Variants in RAD23B observed in about 807,000 individuals in gnomAD.
The protein encoded by RAD23B is RAD23 nucleotide excision repair protein B.
In RAD23B, 5 loss-of-function variants were observed where a neutral mutation model predicts 49.1. That is an observed-to-expected ratio of 0.10 (90% CI 0.05 to 0.21). RAD23B has a LOEUF of 0.21. Among genes scored for constraint, RAD23B ranks in the 10% least tolerant of loss-of-function variants. The probability of loss-of-function intolerance (pLI) is 1.00; values close to 1 mark genes in which losing one functional copy is unlikely to be tolerated. For missense variants in RAD23B, 356 were observed against 486.7 expected (o/e 0.73, Z 2.53); for synonymous variants, 184 against 165.4 (o/e 1.11, Z -0.86).
At chr9:107,328,073 G>C (rs1040360031) in intron 9 of RAD23B, among the ~76,000 whole-genome samples, 4 of 151,930 alleles carry the variant, frequency 2.6e-5, no homozygotes, top group Non-Finnish European at 5.9e-5. Flanking sequence ...TTGTGTCTTT[G>C]AATCTAAATT....
chr9:107,321,355 A>G lies in RAD23B; in HGVS notation c.682-628A>G, dbSNP rs1296278472. Among the ~76,000 whole-genome samples, 3 of 152,312 alleles carry G rather than the reference A, an allele frequency of 2.0e-5. No homozygotes were observed. In the East Asian group the frequency reaches 5.8e-4, roughly 29 times the overall value. Reference sequence around the variant, plus strand: ...GAAAAGTACCTCAAATTTATGAGATACTTTCTGAGTGACACTTTCTCAGTA... The same window carrying G: ...GAAAAGTACCTCAAATTTATGAGATGCTTTCTGAGTGACACTTTCTCAGTA... On this transcript the variant is annotated intron_variant, in intron 6 of 9. Transcript: ENST00000358015.
chr9:107,308,633 T>C (rs1267081912), intron 4 of RAD23B, among the ~76,000 whole-genome samples: 3 of 152,242 alleles, frequency 2.0e-5, no homozygotes, highest in African/African-American at 7.2e-5. Flanking sequence ...CATAAGTAAC[T>C]TGATGGTCAG....
At chr9:107,314,576 A>G (rs1259931475) in intron 5 of RAD23B, among the ~76,000 whole-genome samples, 1 of 152,074 alleles carries the variant, frequency 6.6e-6, no homozygotes, top group East Asian at 1.9e-4. Context: ...TCTTTATCTC[A>G]TCCTCCATTG....
chr9:107,323,722 G>T (rs1259136445), intron 7 of RAD23B, among the ~76,000 whole-genome samples, 168 bp from the exon 8 acceptor site: 1 of 152,106 alleles, frequency 6.6e-6, no homozygotes, highest in African/African-American at 2.4e-5. Flanking sequence ...TATAAAACTT[G>T]CAAGTTGGTA....
In RAD23B at chr9:107,331,719, G is replaced by C. The variant is rs1435842113; in HGVS notation, c.*2063G>C. On this transcript the variant is annotated 3_prime_UTR_variant, in exon 10 of 10. Transcript: ENST00000358015. ...AAAAAAAACAGCCTCTTCTTGGAAA[G>C]TGACAGCAGAAGGTGGCATGGAGCT... 2.6e-6 allele frequency: 2 copies of C among 775,888 alleles called. No individual in the cohort carries two copies. Among genetic ancestry groups the C allele is most frequent in the African/African-American group, 1.7e-5 (1 of 58,782 alleles). 48.1% of individuals were successfully genotyped at this position (775,888 alleles called of 1,614,324 possible).
intron 1 of RAD23B, among the ~76,000 whole-genome samples, chr9:107,292,135 CT>C (rs939834955): frequency 2.0e-5 from 3 of 151,894 alleles, no homozygotes; most frequent in Non-Finnish European, 4.4e-5. Flanking sequence ...TAGCAACTAG[CT>C]TTTTTTCCTC....
Position 107,283,487 on chromosome 9 carries a change from G to A in RAD23B, c.-143G>A, listed in dbSNP as rs1833198505. 7.4e-6 allele frequency: 4 copies of A among 540,576 alleles called. No homozygotes were observed. Among genetic ancestry groups the A allele is most frequent in the South Asian group, 9.5e-5 (2 of 21,046 alleles). The allele number at this position is 540,576 out of a possible 1,614,324, so 33.5% of individuals were successfully genotyped here. A position where few individuals can be genotyped will look rare whatever the true frequency, so the allele number is the denominator to read the frequency against. On this transcript the variant is annotated 5_prime_UTR_variant, in exon 1 of 10. Transcript: ENST00000358015. ...TGGGGGAGAGGCCGCTCCGCTGGGCGAATGTGACAAGCCCCCACCCCCACC... is the reference window on the plus strand; with the variant it reads ...TGGGGGAGAGGCCGCTCCGCTGGGCAAATGTGACAAGCCCCCACCCCCACC...
rs144574881 is a variant in RAD23B, at chr9:107,299,342, A to G, written c.67-799A>G. ...AGTAGTTCTATAAAGGCAAATGGGA[A>G]AGCCATCTCTGCCTTTTTTACTCCT... On this transcript the variant is annotated intron_variant, in intron 1 of 9. Coordinates refer to ENST00000358015, the MANE Select transcript of RAD23B (RefSeq NM_002874.5). Among the ~76,000 whole-genome samples, 231 of 152,334 alleles carry G rather than the reference A, an allele frequency of 1.5e-3. 1 individual carries two copies. Among genetic ancestry groups the G allele is most frequent in the African/African-American group, 5.2e-3 (215 of 41,584 alleles).
Position 107,314,767 on chromosome 9 carries a change from A to T in RAD23B, c.553+3030A>T, listed in dbSNP as rs370147615. Among the ~76,000 whole-genome samples, 13 of 152,312 alleles carry T rather than the reference A, an allele frequency of 8.5e-5. No homozygotes were observed. The East Asian group carries it at 1.7e-3, about 20-fold the overall frequency. On this transcript the variant is annotated intron_variant, in intron 5 of 9. Transcript: ENST00000358015. The stretch of plus-strand genomic sequence containing the variant: ...ATTTCCGTACTGTTTTCCATAAAGG[A>T]TGTACTAATGGACATTTCCGCCAGC...
intron 5 of RAD23B, among the ~76,000 whole-genome samples, chr9:107,316,709 A>G (rs1827005453): frequency 6.6e-6 from 1 of 152,128 alleles, no homozygotes; most frequent in Non-Finnish European, 1.5e-5. Flanking sequence ...GAAAAAAATT[A>G]TTCAACAGAT....
chr9:107,284,948 G>C, intron 1 of RAD23B: 1 of 1,301,146 alleles, frequency 7.7e-7, no homozygotes, highest in South Asian at 1.2e-5. Flanking sequence ...AAATGGAATC[G>C]ATTATTTAAA....
At chr9:107,325,025 A>T (rs372941269) in intron 9 of RAD23B, 21 bp downstream of exon 9, 1 of 1,605,270 alleles carries the variant, frequency 6.2e-7, no homozygotes, top group Admixed American at 1.7e-5. Flanking sequence ...GTAAAACTTT[A>T]AAAAAATTAG....
chr9:107,316,015 A>T (rs1044518601), intron 5 of RAD23B, among the ~76,000 whole-genome samples: 9 of 143,700 alleles, frequency 6.3e-5, no homozygotes, highest in African/African-American at 1.8e-4. Flanking sequence ...ACTTTTACGA[A>T]TTTTTTTTTT....
Position 107,330,678 on chromosome 9 carries a change from T to TA in RAD23B, c.*1022_*1023insA, listed in dbSNP as rs1205676829. 6.5e-6 allele frequency: 1 copy of TA among 152,672 alleles called. No homozygotes were observed. The highest frequency in any genetic ancestry group is 1.9e-4 in the East Asian group (1 of 5,202). 9.5% of individuals were successfully genotyped at this position (152,672 alleles called of 1,614,324 possible). On this transcript the variant is annotated 3_prime_UTR_variant, in exon 10 of 10. Coordinates refer to ENST00000358015, the MANE Select transcript of RAD23B (RefSeq NM_002874.5). The surrounding 1 kb of genome is among the most constrained non-coding windows in gnomAD (Gnocchi z 4.4). The stretch of plus-strand genomic sequence containing the variant: ...GGGTTTCTGATATTTGTAAATGTGT[T>TA]TCTTTATTAGATAAGAGTGTATTAC...
At chr9:107,297,186 CT>C (rs939987420) in intron 1 of RAD23B, among the ~76,000 whole-genome samples, 5 of 151,690 alleles carry the variant, frequency 3.3e-5, no homozygotes, top group Non-Finnish European at 7.4e-5. Context: ...TTTATTTGTC[CT>C]TTTTTTCTGT....
intron 1 of RAD23B, among the ~76,000 whole-genome samples, chr9:107,298,394 A>T (rs551781456): frequency 6.7e-6 from 1 of 149,978 alleles, no homozygotes; most frequent in Admixed American, 6.7e-5. Context: ...GCCCACTGCA[A>T]CCTCCACTTT....
chr9:107,305,519 T>G (rs901477424), intron 3 of RAD23B, among the ~76,000 whole-genome samples: 2 of 152,094 alleles, frequency 1.3e-5, no homozygotes, highest in Non-Finnish European at 2.9e-5. Context: ...ATCATGTAAG[T>G]GGACCCAGTG....
chr9:107,314,784 T>C (rs1486984423), intron 5 of RAD23B, among the ~76,000 whole-genome samples: 1 of 152,208 alleles, frequency 6.6e-6, no homozygotes, highest in Non-Finnish European at 1.5e-5. Flanking sequence ...AATGGACATT[T>C]CCGCCAGCAG....
intron 9 of RAD23B, among the ~76,000 whole-genome samples, 199 bp from the exon 10 acceptor site, chr9:107,329,344 C>T (rs1827265874): frequency 6.6e-6 from 1 of 152,170 alleles, no homozygotes; most frequent in Non-Finnish European, 1.5e-5. Flanking sequence ...TAGATTCCAT[C>T]TAATCCCTTG....
Sources: gnomAD v4.1 joint callset for allele counts (sites outside exome capture counted in the v4.1 genomes callset) on GRCh38, gnomAD v4.1.1 for gene constraint, Gnocchi (gnomAD v3.1) non-coding constraint, MANE v1.5 for transcripts, NCBI Gene and HGNC (gene_info 2026-07-23, HGNC 2026-07-21) for gene names.